LRP1B: variants seen among roughly 807,000 people sequenced by gnomAD.
LRP1B encodes the protein LDL receptor related protein 1B.
In LRP1B, 217 loss-of-function variants were observed where a neutral mutation model predicts 556.6. The observed-to-expected ratio is 0.39, with a 90% CI of 0.35 to 0.44. LRP1B has a LOEUF of 0.44. Among genes scored for constraint, LRP1B ranks in the 20% least tolerant of loss-of-function variants. LRP1B has a pLI of 1.00. For missense variants in LRP1B, 5,053 were observed against 5,620.8 expected (o/e 0.90, Z 3.23); for synonymous variants, 2,047 against 1,865.8 (o/e 1.10, Z -2.50).
intron 3 of LRP1B, among the ~76,000 whole-genome samples, chr2:141,463,431 T>C (rs1391059396): frequency 6.7e-6 from 1 of 150,242 alleles, no homozygotes; most frequent in East Asian, 1.9e-4. Flanking sequence ...ATACATTGTG[T>C]ACCAAATAAC....
chr2:140,319,159 A>AG (rs113449735), intron 82 of LRP1B, among the ~76,000 whole-genome samples: 5,648 of 152,184 alleles, frequency 0.037, 198 homozygotes, highest in African/African-American at 0.087. Flanking sequence ...AGAGGAAAGG[A>AG]GGAGGATTAT....
At chr2:142,041,552 CT>C (rs1362413502) in intron 1 of LRP1B, among the ~76,000 whole-genome samples, 1 of 151,182 alleles carries the variant, frequency 6.6e-6, no homozygotes. Context: ...ACAAAAAAGC[CT>C]TTTTTGCTTG....
chr2:140,836,117 T>C (rs146700198), intron 31 of LRP1B, among the ~76,000 whole-genome samples: 1 of 152,320 alleles, frequency 6.6e-6, no homozygotes, highest in Admixed American at 6.5e-5. Flanking sequence ...TCTTCTAAAT[T>C]TTTTTAATAT....
chr2:142,021,444 G>A (rs1184373315), intron 1 of LRP1B, among the ~76,000 whole-genome samples: 1 of 152,076 alleles, frequency 6.6e-6, no homozygotes, highest in African/African-American at 2.4e-5. Context: ...AAAAGTACTA[G>A]AAGGTACCTA....
At chr2:141,276,198 C>T (rs1180441772) in intron 3 of LRP1B, among the ~76,000 whole-genome samples, 1 of 152,274 alleles carries the variant, frequency 6.6e-6, no homozygotes, top group South Asian at 2.1e-4. Flanking sequence ...ATTCTCTCAA[C>T]CTGTTTGTGG....
intron 3 of LRP1B, among the ~76,000 whole-genome samples, chr2:141,447,405 C>A (rs143206410): frequency 3.0e-4 from 46 of 152,032 alleles, no homozygotes; most frequent in African/African-American, 9.4e-4. Context: ...CTTCTGAAGC[C>A]TACTTCTGTC....
At chr2:142,120,258 C>T (rs561767857) in intron 1 of LRP1B, among the ~76,000 whole-genome samples, 24 of 152,078 alleles carry the variant, frequency 1.6e-4, no homozygotes, top group Admixed American at 7.2e-4. Context: ...ACTACAGGCA[C>T]ATGCAACTAT....
intron 2 of LRP1B, among the ~76,000 whole-genome samples, chr2:141,544,252 C>A (rs1479601673): frequency 6.6e-6 from 1 of 151,694 alleles, no homozygotes; most frequent in Non-Finnish European, 1.5e-5. Context: ...TAAATTATCA[C>A]TTTAAATCAG....
intron 5 of LRP1B, among the ~76,000 whole-genome samples, chr2:141,235,807 T>G (rs1198692460): frequency 1.3e-5 from 2 of 152,286 alleles, no homozygotes; most frequent in South Asian, 2.1e-4. Flanking sequence ...TTTACCACAT[T>G]TTAAGATTAA....
At chr2:141,408,657 T>C (rs1690733795) in intron 3 of LRP1B, among the ~76,000 whole-genome samples, 1 of 144,910 alleles carries the variant, frequency 6.9e-6, no homozygotes, top group South Asian at 2.2e-4. Flanking sequence ...TATTGATAAA[T>C]TTGTTCTCAC....
At chr2:141,067,028 G>T (rs1249160595) in intron 7 of LRP1B, among the ~76,000 whole-genome samples, 1 of 151,830 alleles carries the variant, frequency 6.6e-6, no homozygotes, top group Admixed American at 6.6e-5. Context: ...CCTCAGAAAG[G>T]TTTGCATTAG....
intron 7 of LRP1B, among the ~76,000 whole-genome samples, chr2:141,177,900 C>G (rs183224418): frequency 6.6e-6 from 1 of 152,146 alleles, no homozygotes; most frequent in East Asian, 1.9e-4. Context: ...TACTCTGAAA[C>G]ATTGTTTTAG....
intron 2 of LRP1B, among the ~76,000 whole-genome samples, chr2:141,643,020 A>G (rs1207429026): frequency 6.6e-6 from 1 of 152,168 alleles, no homozygotes; most frequent in African/African-American, 2.4e-5. Context: ...TGAAAAAGAC[A>G]TGAAAAATGT....
At chr2:140,604,915 T>C (rs1168104069) in intron 41 of LRP1B, among the ~76,000 whole-genome samples, 1 of 152,164 alleles carries the variant, frequency 6.6e-6, no homozygotes, top group East Asian at 1.9e-4. Context: ...ATGTAAGATG[T>C]GCCTTTGCTG....
chr2:141,923,446 A>ATATGTGTGTGTGTGTG (rs751676259), intron 1 of LRP1B, among the ~76,000 whole-genome samples: 5 of 81,772 alleles, frequency 6.1e-5, no homozygotes, highest in African/African-American at 2.4e-4. Context: ...TTATATATAT[A>ATATGTGTGTGTGTGTG]TGTGTGTGTG....
chr2:141,182,725 C>T (rs1345528212), intron 7 of LRP1B, among the ~76,000 whole-genome samples: 1 of 151,706 alleles, frequency 6.6e-6, no homozygotes. Context: ...AGATATCTTT[C>T]CTTGAACAAT....
At chr2:140,384,973 C>T (rs953151067) in intron 67 of LRP1B, among the ~76,000 whole-genome samples, 3 of 152,028 alleles carry the variant, frequency 2.0e-5, no homozygotes, top group Admixed American at 6.6e-5. Context: ...ATATTCAGGC[C>T]GAGTGTGGCA....
chr2:141,492,091 A>AAAAAAAAAAAAAAAC lies in LRP1B; in HGVS notation c.206-11559_206-11558insGTTTTTTTTTTTTTT, dbSNP rs67960557. Among the ~76,000 whole-genome samples, 926 of 100,058 alleles carry AAAAAAAAAAAAAAAC rather than the reference A, an allele frequency of 9.3e-3. 74 individuals carry two copies. The highest frequency in any genetic ancestry group is 0.034 in the African/African-American group (874 of 25,772). 65.6% of individuals were successfully genotyped at this position (100,058 alleles called of 152,430 possible). ...TATTTAGCTTTCTGAAAAAAAAAAA[A>AAAAAAAAAAAAAAAC]CACTAAGAAAACCAACATTTGATGA... On this transcript the variant is annotated intron_variant, in intron 2 of 90. Transcript: ENST00000389484.
intron 66 of LRP1B, among the ~76,000 whole-genome samples, chr2:140,404,694 A>C (rs1684656866): frequency 6.6e-6 from 1 of 152,198 alleles, no homozygotes; most frequent in African/African-American, 2.4e-5. Flanking sequence ...AGACTCACCT[A>C]ACACACAAGG....
Sources: allele counts gnomAD v4.1 joint callset (sites outside exome capture counted in the v4.1 genomes callset), GRCh38; gene constraint gnomAD v4.1.1; transcripts MANE v1.5; gene names NCBI Gene and HGNC (gene_info 2026-07-23, HGNC 2026-07-21).